The following GRM7 variants were observed in gnomAD, a reference collection of about 807,000 sequenced individuals.
The protein encoded by GRM7 is metabotropic glutamate receptor 7.
In GRM7, 35 loss-of-function variants were observed where a neutral mutation model predicts 84.5. The observed-to-expected ratio is 0.41, with a 90% confidence interval of 0.32 to 0.55. The LOEUF is 0.55. Among genes scored for constraint, GRM7 ranks in the 20% least tolerant of loss-of-function variants. The pLI is 0.19. For synonymous variants in GRM7, 487 were observed against 455.1 expected, an observed-to-expected ratio of 1.07 and a Z score of -0.89; for missense variants, 1,003 against 1,194.6, an observed-to-expected ratio of 0.84 and a Z score of 2.36.
chr3:7,462,053 C>A (rs1053268482), intron 7 of GRM7, among the ~76,000 whole-genome samples: 1 of 151,996 alleles, frequency 6.6e-6, no homozygotes, highest in African/African-American at 2.4e-5. Context: ...TTCTGCCTCC[C>A]CCCATTCCTT....
At chr3:7,513,122 A>G (rs1428283955) in intron 7 of GRM7, among the ~76,000 whole-genome samples, 1 of 152,272 alleles carries the variant, frequency 6.6e-6, no homozygotes, top group South Asian at 2.1e-4. Context: ...TCAGCCTAAG[A>G]AAGTTTTTGC....
chr3:6,886,298 G>A lies in GRM7; in HGVS notation c.519+24391G>A, dbSNP rs544682030. Among the ~76,000 whole-genome samples, 6 of 152,212 alleles carry A rather than the reference G, an allele frequency of 3.9e-5. No individual in the cohort carries two copies. The East Asian group carries it at 5.8e-4, about 15-fold the overall frequency. On this transcript the variant is annotated intron_variant, in intron 1 of 9. Transcript: ENST00000357716. ...TGGGAGCTGAACAATGATAACACATGGACACAGGGAGGGGAGCATCACACA... is the reference window on the plus strand; with the variant it reads ...TGGGAGCTGAACAATGATAACACATAGACACAGGGAGGGGAGCATCACACA...
At chr3:7,058,702 A>G (rs1278724701) in intron 1 of GRM7, among the ~76,000 whole-genome samples, 2 of 151,872 alleles carry the variant, frequency 1.3e-5, no homozygotes, top group Non-Finnish European at 2.9e-5. Flanking sequence ...CTGTTTTGCA[A>G]GAGTATACCG....
intron 1 of GRM7, among the ~76,000 whole-genome samples, chr3:7,088,967 T>C (rs1047147853): frequency 3.9e-5 from 6 of 152,086 alleles, no homozygotes; most frequent in African/African-American, 9.7e-5. Context: ...CAATTTGTTA[T>C]TGCTCAAGCT....
intron 9 of GRM7, among the ~76,000 whole-genome samples, chr3:7,693,145 T>C (rs1700872842): frequency 6.6e-6 from 1 of 152,154 alleles, no homozygotes; most frequent in Admixed American, 6.5e-5. Context: ...TGAAATCCAT[T>C]GATGATCATA....
At chr3:7,271,516 G>A (rs181813702) in intron 2 of GRM7, among the ~76,000 whole-genome samples, 52 of 145,876 alleles carry the variant, frequency 3.6e-4, no homozygotes, top group Non-Finnish European at 5.7e-4. Context: ...CTGAAATCGC[G>A]TCATTGCACT....
intron 9 of GRM7, among the ~76,000 whole-genome samples, chr3:7,718,579 C>T (rs1701840501): frequency 1.3e-5 from 2 of 152,034 alleles, no homozygotes; most frequent in African/African-American, 4.8e-5. Context: ...GAAATTGAGA[C>T]ACCTCACCCA....
intron 2 of GRM7, among the ~76,000 whole-genome samples, chr3:7,177,386 T>C (rs1695188079): frequency 6.6e-6 from 1 of 152,220 alleles, no homozygotes; most frequent in African/African-American, 2.4e-5. Context: ...AGTAATTATG[T>C]TGAAGTCATC....
intron 4 of GRM7, among the ~76,000 whole-genome samples, chr3:7,406,508 A>T (rs1695685978): frequency 6.6e-6 from 1 of 152,138 alleles, no homozygotes. Context: ...TCAAAAAAAA[A>T]TCATAAAAAT....
chr3:7,375,214 CTTT>C (rs1553572612), intron 4 of GRM7, among the ~76,000 whole-genome samples: 3 of 132,968 alleles, frequency 2.3e-5, no homozygotes, highest in Non-Finnish European at 4.8e-5. Flanking sequence ...TAAACATCCC[CTTT>C]TTTTTTTTTT....
intron 1 of GRM7, among the ~76,000 whole-genome samples, chr3:6,993,752 T>C (rs1694732859): frequency 6.6e-6 from 1 of 152,176 alleles, no homozygotes; most frequent in Non-Finnish European, 1.5e-5. Flanking sequence ...AATGAAATTA[T>C]GGTGTTCAAG....
At chr3:7,243,569 T>G (rs1249561920) in intron 2 of GRM7, among the ~76,000 whole-genome samples, 1 of 152,176 alleles carries the variant, frequency 6.6e-6, no homozygotes, top group African/African-American at 2.4e-5. Flanking sequence ...GAATGGGACA[T>G]GAACCCATTC....
At chr3:7,072,847 A>T (rs764032745) in intron 1 of GRM7, among the ~76,000 whole-genome samples, 5 of 152,156 alleles carry the variant, frequency 3.3e-5, no homozygotes, top group Admixed American at 6.5e-5. Flanking sequence ...TTTAAAATAC[A>T]TTTCTTTGTT....
chr3:6,897,033 C>A (rs1413372530), intron 1 of GRM7, among the ~76,000 whole-genome samples: 2 of 152,168 alleles, frequency 1.3e-5, no homozygotes, highest in Admixed American at 1.3e-4. Flanking sequence ...TGACAGTTAT[C>A]CTGAGCAAAT....
chr3:7,114,500 A>G (rs1016897699), intron 1 of GRM7, among the ~76,000 whole-genome samples: 7 of 152,204 alleles, frequency 4.6e-5, no homozygotes, highest in African/African-American at 1.7e-4. Context: ...AATACATAAA[A>G]TTTACTAAGG....
chr3:7,137,310 T>G (rs1693802926), intron 1 of GRM7, among the ~76,000 whole-genome samples: 1 of 152,072 alleles, frequency 6.6e-6, no homozygotes, highest in Non-Finnish European at 1.5e-5. Flanking sequence ...AAACCGAGAA[T>G]TGGGCACTTT....
intron 4 of GRM7, among the ~76,000 whole-genome samples, chr3:7,405,553 C>T (rs1347459252): frequency 1.3e-5 from 2 of 151,960 alleles, no homozygotes; most frequent in Non-Finnish European, 2.9e-5. Context: ...TTTACTATAC[C>T]TACTTCGGAT....
intron 4 of GRM7, among the ~76,000 whole-genome samples, chr3:7,343,451 C>G (rs1467327369): frequency 1.3e-5 from 2 of 152,028 alleles, no homozygotes; most frequent in African/African-American, 4.8e-5. Context: ...TGAGCTCAAG[C>G]AATCCTCACA....
intron 7 of GRM7, among the ~76,000 whole-genome samples, chr3:7,468,854 CTG>C (rs1698573051): frequency 1.3e-5 from 2 of 152,166 alleles, no homozygotes; most frequent in Admixed American, 6.5e-5. Context: ...CCCTTCACGA[CTG>C]TGAATTTTCT....
Sources: allele counts gnomAD v4.1 joint callset (sites outside exome capture counted in the v4.1 genomes callset), GRCh38; gene constraint gnomAD v4.1.1; transcripts MANE v1.5; gene names NCBI Gene and HGNC (gene_info 2026-07-23, HGNC 2026-07-21).